The following PHF24 variants were observed in gnomAD, a reference collection of about 807,000 sequenced individuals.
The protein encoded by PHF24 is Galpha inhibitory interacting protein.
PHF24 carries 25 observed loss-of-function variants against 42.6 expected under a neutral mutation model. That is an observed-to-expected ratio of 0.59 (90% CI 0.43 to 0.82). The LOEUF is 0.82. Ranked by LOEUF, PHF24 falls within the 40% of genes least tolerant of loss-of-function variation. The pLI, the probability that PHF24 is intolerant of heterozygous loss-of-function variation, is 0.00. For synonymous variants in PHF24, 185 were observed against 204.8 expected (o/e 0.90, Z 0.83); for missense variants, 470 against 538.1 (o/e 0.87, Z 1.25).
At chr9:34,680,653 A>C in the PHF24 span, among the ~76,000 whole-genome samples, 1 of 148,116 alleles carries the variant, frequency 6.8e-6, no homozygotes, top group Admixed American at 6.7e-5. Flanking sequence ...CCGCCACTGC[A>C]CTCCAGCCTG....
intron 3 of PHF24, among the ~76,000 whole-genome samples, chr9:34,975,526 A>G (rs571095095): frequency 7.2e-4 from 110 of 152,234 alleles, no homozygotes; most frequent in African/African-American, 2.4e-3. Context: ...TAAAGACTGT[A>G]TGGTAACGTC....
the PHF24 span, among the ~76,000 whole-genome samples, chr9:34,936,826 T>C: frequency 1.3e-5 from 2 of 148,954 alleles, no homozygotes; most frequent in Non-Finnish European, 1.5e-5. Context: ...GGAGACCCTC[T>C]GCCTGGCAAC....
At chr9:34,755,891 C>T in the PHF24 span, among the ~76,000 whole-genome samples, 1 of 152,144 alleles carries the variant, frequency 6.6e-6, no homozygotes, top group Non-Finnish European at 1.5e-5. Flanking sequence ...TGTCTATTCA[C>T]TCTGTTGATT....
At chr9:34,827,756 C>G in the PHF24 span, among the ~76,000 whole-genome samples, 1 of 152,090 alleles carries the variant, frequency 6.6e-6, no homozygotes, top group Non-Finnish European at 1.5e-5. Context: ...GATGTCCCTC[C>G]CATCTTCTCA....
At chr9:34,769,416 T>C in the PHF24 span, among the ~76,000 whole-genome samples, 1 of 152,214 alleles carries the variant, frequency 6.6e-6, no homozygotes, top group Non-Finnish European at 1.5e-5. Context: ...CCACCATGCC[T>C]GGCCATAAAT....
At chr9:34,701,742 C>A in the PHF24 span, among the ~76,000 whole-genome samples, 1 of 151,992 alleles carries the variant, frequency 6.6e-6, no homozygotes, top group Non-Finnish European at 1.5e-5. The surrounding 1 kb of genome is among the most constrained non-coding windows in gnomAD (Gnocchi z 5.8). Flanking sequence ...CACCGCCGTC[C>A]GGCCAAACCC....
chr9:34,907,353 G>T, the PHF24 span, among the ~76,000 whole-genome samples: 19 of 152,208 alleles, frequency 1.2e-4, no homozygotes, highest in South Asian at 3.9e-3. Flanking sequence ...GTAAATTTCT[G>T]TACCACACTG....
At chr9:34,949,616 T>C in the PHF24 span, among the ~76,000 whole-genome samples, 1 of 152,168 alleles carries the variant, frequency 6.6e-6, no homozygotes, top group African/African-American at 2.4e-5. Flanking sequence ...CCATCAGTGA[T>C]AGACTGGATA....
the PHF24 span, among the ~76,000 whole-genome samples, chr9:34,873,397 A>G: frequency 3.3e-5 from 5 of 151,736 alleles, no homozygotes; most frequent in East Asian, 3.9e-4. Flanking sequence ...TGTAAGGAAG[A>G]GATCCAGTTT....
the PHF24 span, among the ~76,000 whole-genome samples, chr9:34,888,778 C>T: frequency 1.1e-4 from 16 of 152,336 alleles, no homozygotes; most frequent in Admixed American, 9.8e-4. Flanking sequence ...GCTTCTTATA[C>T]TGTCGCCATG....
chr9:34,825,631 G>C, the PHF24 span, among the ~76,000 whole-genome samples: 2 of 151,784 alleles, frequency 1.3e-5, no homozygotes, highest in Non-Finnish European at 2.9e-5. Context: ...GAACACCCAA[G>C]GACTCATGAA....
the PHF24 span, among the ~76,000 whole-genome samples, chr9:34,869,239 G>A: frequency 6.6e-6 from 1 of 152,078 alleles, no homozygotes; most frequent in African/African-American, 2.4e-5. Context: ...CTTTATAATA[G>A]AATGATTTAT....
At chr9:34,691,793 T>C in the PHF24 span, among the ~76,000 whole-genome samples, 363 of 152,278 alleles carry the variant, frequency 2.4e-3, no homozygotes, top group Non-Finnish European at 4.1e-3. Context: ...CAAGCAGAGC[T>C]GAAAGGCCAG....
the PHF24 span, among the ~76,000 whole-genome samples, chr9:34,684,643 T>C: frequency 6.6e-6 from 1 of 152,090 alleles, no homozygotes; most frequent in African/African-American, 2.4e-5. Context: ...CACTTTGCAG[T>C]GTTGAGGCCC....
chr9:34,933,252 A>G, the PHF24 span, among the ~76,000 whole-genome samples: 1 of 152,226 alleles, frequency 6.6e-6, no homozygotes, highest in African/African-American at 2.4e-5. Flanking sequence ...CAAAGTCAGA[A>G]ACATTAAAGC....
the PHF24 span, among the ~76,000 whole-genome samples, chr9:34,884,136 G>A: frequency 2.6e-5 from 4 of 152,148 alleles, no homozygotes; most frequent in African/African-American, 7.2e-5. Context: ...AGCACCGCAT[G>A]TTCTCACTCA....
chr9:34,977,601 A>C, exon 7 of PHF24: 1 of 1,608,180 alleles, frequency 6.2e-7, no homozygotes, highest in Non-Finnish European at 8.5e-7. Flanking sequence ...CAGCAGCAAG[A>C]GTCAGGACAA....
At chr9:34,937,012 C>T in the PHF24 span, among the ~76,000 whole-genome samples, 1,535 of 62,124 alleles carry the variant, frequency 0.025, 19 homozygotes, top group Non-Finnish European at 0.04. Context: ...CCGCCCCGTC[C>T]GGGAGGGAGG....
At chr9:34,684,070 C>A in the PHF24 span, among the ~76,000 whole-genome samples, 1 of 152,192 alleles carries the variant, frequency 6.6e-6, no homozygotes, top group Non-Finnish European at 1.5e-5. Flanking sequence ...TTTTAATAAA[C>A]TCCTTTTCTG....
Sources: gnomAD v4.1 joint callset for allele counts (sites outside exome capture counted in the v4.1 genomes callset) on GRCh38, gnomAD v4.1.1 for gene constraint, Gnocchi (gnomAD v3.1) non-coding constraint, MANE v1.5 for transcripts, NCBI Gene and HGNC (gene_info 2026-07-23, HGNC 2026-07-21) for gene names.